Variants in CUX2 observed in about 807,000 individuals in gnomAD.
CUX2 encodes the protein cut like homeobox 2.
A neutral mutation model predicts 144.8 loss-of-function variants in CUX2; 40 were observed. The ratio of observed to expected loss-of-function variants is 0.28; its 90% CI spans 0.21 to 0.36. CUX2 has a LOEUF of 0.36. CUX2 is among the 10% of genes least tolerant of loss of function. The pLI is 1.00. For missense variants in CUX2, 1,615 were observed against 1,994.0 expected (o/e 0.81, Z 3.62); for synonymous variants, 827 against 875.6 (o/e 0.94, Z 0.98).
intron 3 of CUX2, among the ~76,000 whole-genome samples, chr12:111,257,677 T>C (rs1441133600): frequency 2.5e-5 from 3 of 122,036 alleles, no homozygotes; most frequent in Admixed American, 8.4e-5. Flanking sequence ...TTCCCCCCTC[T>C]TCCTCCCTCC....
intron 18 of CUX2, among the ~76,000 whole-genome samples, chr12:111,331,416 G>A (rs1888116280): frequency 6.6e-6 from 1 of 152,130 alleles, no homozygotes; most frequent in South Asian, 2.1e-4. Context: ...GCTGGGATTA[G>A]GTGTGGCCAG....
chr12:111,268,635 G>A (rs987884234), intron 4 of CUX2, among the ~76,000 whole-genome samples: 4 of 152,252 alleles, frequency 2.6e-5, no homozygotes, highest in Non-Finnish European at 5.9e-5. Flanking sequence ...GCTATGGCAC[G>A]AGGCCGAGAC....
At chr12:111,139,009 C>T (rs945812707) in intron 1 of CUX2, among the ~76,000 whole-genome samples, 3 of 151,408 alleles carry the variant, frequency 2.0e-5, no homozygotes, top group Admixed American at 2.0e-4. Flanking sequence ...GTCACTAGCC[C>T]CCAGATCCCC....
intron 1 of CUX2, among the ~76,000 whole-genome samples, chr12:111,129,304 A>G (rs1875292877): frequency 6.6e-6 from 1 of 152,262 alleles, no homozygotes; most frequent in Non-Finnish European, 1.5e-5. Context: ...AAAGGTGATC[A>G]AGGTCCTTGC....
intron 21 of CUX2, among the ~76,000 whole-genome samples, chr12:111,345,392 G>A (rs1278765931): frequency 1.4e-5 from 2 of 142,396 alleles, no homozygotes; most frequent in Admixed American, 1.5e-4. Flanking sequence ...GCAGTGAGCC[G>A]AGATCGTGCC....
chr12:111,241,144 G>A (rs1448754821), intron 3 of CUX2, among the ~76,000 whole-genome samples: 1 of 152,168 alleles, frequency 6.6e-6, no homozygotes, highest in Admixed American at 6.5e-5. Context: ...TAGGTGGAAG[G>A]GGAGAGGGCG....
chr12:111,175,468 G>A (rs531675420), intron 1 of CUX2, among the ~76,000 whole-genome samples: 1 of 151,296 alleles, frequency 6.6e-6, no homozygotes, highest in Admixed American at 6.6e-5. Flanking sequence ...GGGGCTTTCT[G>A]ATTACTGGGA....
At chr12:111,275,582 C>T (rs1314065791) in intron 4 of CUX2, among the ~76,000 whole-genome samples, 2 of 152,212 alleles carry the variant, frequency 1.3e-5, no homozygotes, top group Admixed American at 1.3e-4. Flanking sequence ...CCTGTCACTT[C>T]TCCTGACACT....
chr12:111,062,213 C>T (rs779583464), intron 1 of CUX2, among the ~76,000 whole-genome samples: 2 of 152,186 alleles, frequency 1.3e-5, no homozygotes, highest in Admixed American at 6.6e-5. Flanking sequence ...GTGGCATGCA[C>T]GTTTCTGTTG....
chr12:111,056,033 A>C (rs1022612006), intron 1 of CUX2, among the ~76,000 whole-genome samples: 2 of 152,114 alleles, frequency 1.3e-5, no homozygotes, highest in African/African-American at 4.8e-5. Context: ...ATTGTTTGCT[A>C]TGCCCCTGGA....
intron 18 of CUX2, among the ~76,000 whole-genome samples, chr12:111,326,582 G>C (rs981893765): frequency 6.6e-6 from 1 of 151,918 alleles, no homozygotes; most frequent in Non-Finnish European, 1.5e-5. Context: ...GTGGTGTTAG[G>C]TTTTAACTAA....
intron 1 of CUX2, among the ~76,000 whole-genome samples, chr12:111,128,574 C>T (rs945272615): frequency 6.6e-6 from 1 of 152,124 alleles, no homozygotes; most frequent in Non-Finnish European, 1.5e-5. Flanking sequence ...TGCATGCCCC[C>T]CTTTATGGCT....
rs766828434 is a variant in CUX2, at chr12:111,295,392, T to C, written c.620T>C (p.Ile207Thr). The change falls in exon 7 of 22, where the codon ATC becomes ACC. Residue 207 changes from isoleucine to threonine, a missense_variant. Ile to Thr is a moderately conservative substitution (Grantham distance 89). Around this residue, in one of 12 missense-constraint regions of CUX2, gnomAD observed 295 missense variants for 400.2 expected, o/e 0.74. Transcript: ENST00000261726. The surrounding 1 kb of genome is among the most constrained non-coding windows in gnomAD (Gnocchi z 5.0). ...AARLGEAEEK[I>T]KVLHSALKAT... ...AGACTGGGGGAGGCAGAGGAGAAAA[T>C]CAAAGTCCTACATTCAGGTATGTGT... is the stretch of plus-strand genomic sequence containing the variant. The C allele has an allele frequency of 6.2e-7, 1 of 1,611,910 alleles. No homozygotes were observed. The highest frequency in any genetic ancestry group is 8.5e-7 in the Non-Finnish European group (1 of 1,179,140).
intron 1 of CUX2, among the ~76,000 whole-genome samples, chr12:111,081,894 G>A (rs1432874654): frequency 6.6e-6 from 1 of 152,134 alleles, no homozygotes; most frequent in Non-Finnish European, 1.5e-5. Context: ...TTGCCTGAGA[G>A]AGGGCAGGCC....
At position 111,186,782 on chromosome 12, in the gene CUX2, G is replaced by GTTT. The variant is rs201495071; in HGVS notation, c.64-27406_64-27404dup. Reference sequence around the variant, plus strand: ...ATTAAAATCGATATGATGTGTGTATGTTTTTTTTTTTTTTGAGACAGAATT... The same window carrying GTTT: ...ATTAAAATCGATATGATGTGTGTATGTTTTTTTTTTTTTTTTTGAGACAGAATT... On this transcript the variant is annotated intron_variant, in intron 1 of 21. Transcript: ENST00000261726. This position sits in a 1 kb window ranked among gnomAD's most constrained non-coding sequence, Gnocchi z 4.4. Among the ~76,000 whole-genome samples, 80 of 146,122 alleles carry GTTT rather than the reference G, an allele frequency of 5.5e-4. No individual in the cohort carries two copies. Among genetic ancestry groups the GTTT allele is most frequent in the East Asian group, 4.4e-3 (22 of 4,952 alleles).
At chr12:111,217,966 AAAAGTG>A (rs1158556184) in intron 3 of CUX2, 29 bp downstream of exon 3, 1 of 1,613,230 alleles carries the variant, frequency 6.2e-7, no homozygotes, top group Non-Finnish European at 8.5e-7. Flanking sequence ...AGCATGTCAG[AAAAGTG>A]CCCCCAATGG....
At chr12:111,093,591 T>C (rs1054150917) in intron 1 of CUX2, among the ~76,000 whole-genome samples, 8 of 152,054 alleles carry the variant, frequency 5.3e-5, no homozygotes, top group African/African-American at 1.9e-4. Context: ...CAAGCTGAAC[T>C]GACTGCTTCA....
At chr12:111,309,580 C>A (rs1484792792) in intron 14 of CUX2, among the ~76,000 whole-genome samples, 1 of 150,718 alleles carries the variant, frequency 6.6e-6, no homozygotes, top group Non-Finnish European at 1.5e-5. Flanking sequence ...CTCCCCACCC[C>A]CACCTCCCCA....
At chr12:111,133,373 C>T (rs946204998) in intron 1 of CUX2, among the ~76,000 whole-genome samples, 3 of 152,172 alleles carry the variant, frequency 2.0e-5, no homozygotes, top group Non-Finnish European at 2.9e-5. Context: ...ATTGGACTTA[C>T]AGTTCCATAT....
Sources: allele counts gnomAD v4.1 joint callset (sites outside exome capture counted in the v4.1 genomes callset), GRCh38; gene constraint gnomAD v4.1.1; regional missense constraint gnomAD v4.1.1; non-coding constraint Gnocchi (gnomAD v3.1); transcripts MANE v1.5; gene names NCBI Gene and HGNC (gene_info 2026-07-23, HGNC 2026-07-21).